The following SPATA17 variants were observed in gnomAD, a reference collection of about 807,000 sequenced individuals.
The protein encoded by SPATA17 is spermatogenesis associated 17.
In SPATA17, 53 loss-of-function variants were observed where a neutral mutation model predicts 62.2. The ratio of observed to expected loss-of-function variants is 0.85; its 90% CI spans 0.68 to 1.07. The LOEUF (loss-of-function observed/expected upper bound fraction) is 1.07, where lower values mean the gene tolerates loss of function less well. Among genes scored for constraint, SPATA17 ranks in the 50% least tolerant of loss-of-function variants. SPATA17 has a pLI of 0.00. For missense variants in SPATA17, 466 were observed against 425.5 expected (o/e 1.10, Z -0.84); for synonymous variants, 146 against 146.8 (o/e 0.99, Z 0.04).
At chr1:217,835,469 T>C (rs763342678) in intron 9 of SPATA17, among the ~76,000 whole-genome samples, 23 of 152,166 alleles carry the variant, frequency 1.5e-4, no homozygotes, top group Non-Finnish European at 3.4e-4. Context: ...TCTAATCTTA[T>C]TTTCTAGATT....
chr1:217,641,961 T>A (rs1670075671), intron 1 of SPATA17, among the ~76,000 whole-genome samples: 1 of 152,214 alleles, frequency 6.6e-6, no homozygotes. Flanking sequence ...AGTTTTTCTT[T>A]GATATTCATG....
intron 9 of SPATA17, among the ~76,000 whole-genome samples, chr1:217,827,527 G>T (rs188343416): frequency 2.0e-5 from 3 of 152,152 alleles, no homozygotes; most frequent in East Asian, 3.9e-4. Flanking sequence ...CAATCCCATT[G>T]CTGGGCATAT....
At chr1:217,764,701 T>C (rs116573463) in intron 6 of SPATA17, among the ~76,000 whole-genome samples, 1,660 of 152,254 alleles carry the variant, frequency 0.011, 23 homozygotes, top group African/African-American at 0.038. Flanking sequence ...TAAATGAGAG[T>C]TCCTGTTGCT....
At chr1:217,717,276 G>A (rs1672025932) in intron 5 of SPATA17, among the ~76,000 whole-genome samples, 2 of 152,140 alleles carry the variant, frequency 1.3e-5, no homozygotes, top group Non-Finnish European at 2.9e-5. Context: ...AACTTAAAAT[G>A]GGAATTTGGT....
At chr1:217,811,979 G>A (rs145078039) in intron 9 of SPATA17, among the ~76,000 whole-genome samples, 15 of 152,180 alleles carry the variant, frequency 9.9e-5, no homozygotes, top group Admixed American at 2.6e-4. Context: ...GAGACGTCAC[G>A]TTCAAAATGT....
At chr1:217,646,476 A>G (rs1670183626) in intron 1 of SPATA17, among the ~76,000 whole-genome samples, 1 of 152,150 alleles carries the variant, frequency 6.6e-6, no homozygotes, top group African/African-American at 2.4e-5. Flanking sequence ...CAAAGTCTCC[A>G]TATTATATTT....
chr1:217,801,552 A>G (rs562224480), intron 8 of SPATA17, among the ~76,000 whole-genome samples, 166 bp from the exon 9 acceptor site: 174 of 152,328 alleles, frequency 1.1e-3, no homozygotes, highest in Admixed American at 2.8e-3. Context: ...TAATAGAAGT[A>G]ATTAACACAG....
chr1:217,698,817 C>T (rs968522388), intron 5 of SPATA17, among the ~76,000 whole-genome samples: 1 of 152,168 alleles, frequency 6.6e-6, no homozygotes, highest in Non-Finnish European at 1.5e-5. Flanking sequence ...TTCCATCTCC[C>T]TAAATATCCC....
chr1:217,806,889 CA>C (rs1482389159), intron 9 of SPATA17, among the ~76,000 whole-genome samples: 3 of 152,050 alleles, frequency 2.0e-5, no homozygotes, highest in Non-Finnish European at 4.4e-5. Context: ...GGGGTGGCTA[CA>C]AAATTCAGGC....
rs145792648 is a variant in SPATA17, at chr1:217,725,461, A to T, written c.396-16514A>T. 1.9e-3 allele frequency among the ~76,000 whole-genome samples: 286 copies of T among 152,142 alleles called. 1 individual carries two copies. Among genetic ancestry groups the T allele is most frequent in the African/African-American group, 6.3e-3 (262 of 41,544 alleles). On this transcript the variant is annotated intron_variant, in intron 5 of 10. Transcript: ENST00000366933. ...AAATACCAAATTGTGTTTTTATTTT[A>T]ATTAATTTATTTATTTTTAGAGATA...
chr1:217,675,405 A>G (rs560188909), intron 4 of SPATA17, among the ~76,000 whole-genome samples: 6 of 152,262 alleles, frequency 3.9e-5, no homozygotes, highest in East Asian at 1.9e-4. Context: ...TTTTATGCCC[A>G]TTTCATATTG....
chr1:217,687,813 G>T (rs1323756002), intron 5 of SPATA17, among the ~76,000 whole-genome samples: 1 of 152,168 alleles, frequency 6.6e-6, no homozygotes, highest in African/African-American at 2.4e-5. Context: ...AAAGGCAAAT[G>T]AATAGATTTT....
At chr1:217,855,858 C>T (rs962106794) in intron 9 of SPATA17, among the ~76,000 whole-genome samples, 1 of 150,862 alleles carries the variant, frequency 6.6e-6, no homozygotes, top group Non-Finnish European at 1.5e-5. Context: ...TCCCAAGTAA[C>T]TGAGACTACA....
At chr1:217,760,032 T>A (rs1203171337) in intron 6 of SPATA17, among the ~76,000 whole-genome samples, 1 of 152,124 alleles carries the variant, frequency 6.6e-6, no homozygotes, top group Non-Finnish European at 1.5e-5. Flanking sequence ...AATAAAGACA[T>A]ATACAAGCAA....
chr1:217,728,656 C>G (rs547764132), intron 5 of SPATA17, among the ~76,000 whole-genome samples: 1 of 151,680 alleles, frequency 6.6e-6, no homozygotes, highest in Non-Finnish European at 1.5e-5. Flanking sequence ...TTTTGATATG[C>G]GAAAGATATT....
chr1:217,766,434 A>G (rs1673302632), intron 6 of SPATA17, among the ~76,000 whole-genome samples: 1 of 151,894 alleles, frequency 6.6e-6, no homozygotes, highest in Non-Finnish European at 1.5e-5. Context: ...GTAACACTAT[A>G]CCACTTCATA....
At chr1:217,681,984 G>T (rs1671094504) in intron 4 of SPATA17, among the ~76,000 whole-genome samples, 3 of 151,570 alleles carry the variant, frequency 2.0e-5, no homozygotes, top group African/African-American at 7.3e-5. Context: ...AGCAAACTGT[G>T]CCAAAATCGG....
rs370177382 is a variant in SPATA17, at chr1:217,669,066, A to G, written c.274A>G (p.Asn92Asp). Reference protein sequence around the residue: ...AYYTMMMNLYNAMAVRIQRRW... With the variant: ...AYYTMMMNLYDAMAVRIQRRW... ...TTATACTATGATGATGAATCTCTAC[A>G]ATGCAATGGCTGTCAGGGTAAATAT... Residue 92 changes from asparagine (N) to aspartate (D), a missense_variant, in exon 4 of 11, where the codon AAT becomes GAT. By Grantham distance (23) the Asn-to-Asp change is conservative (BLOSUM62 1). Transcript: ENST00000366933. The G allele has an allele frequency of 7.4e-6, 12 of 1,611,334 alleles. No individual in the cohort carries two copies. The highest frequency in any genetic ancestry group is 1.0e-5 in the Non-Finnish European group (12 of 1,179,088).
chr1:217,814,859 A>C (rs1377553653), intron 9 of SPATA17, among the ~76,000 whole-genome samples: 1 of 152,068 alleles, frequency 6.6e-6, no homozygotes, highest in Non-Finnish European at 1.5e-5. Flanking sequence ...TAAAAAAATA[A>C]AATAAGAAGT....
Sources: allele counts gnomAD v4.1 joint callset (sites outside exome capture counted in the v4.1 genomes callset), GRCh38; gene constraint gnomAD v4.1.1; transcripts MANE v1.5; gene names NCBI Gene and HGNC (gene_info 2026-07-23, HGNC 2026-07-21).